TFDP1: variants seen among roughly 807,000 people sequenced by gnomAD.
The protein encoded by TFDP1 is transcription factor Dp-1, also known as DRTF1-polypeptide 1.
Under a neutral mutation model 48.0 loss-of-function variants are expected in TFDP1, and 6 were observed. The observed-to-expected ratio is 0.13, with a 90% confidence interval of 0.07 to 0.25. The LOEUF is 0.25. Ranked by LOEUF, TFDP1 falls within the 10% of genes least tolerant of loss-of-function variation. The pLI, the probability that TFDP1 is intolerant of heterozygous loss-of-function variation, is 1.00. For missense variants in TFDP1, 335 were observed against 543.0 expected, an observed-to-expected ratio of 0.62 and a Z score of 3.81; for synonymous variants, 201 against 211.6, an observed-to-expected ratio of 0.95 and a Z score of 0.44.
intron 3 of TFDP1, among the ~76,000 whole-genome samples, chr13:113,618,594 G>T (rs1195795445): frequency 6.6e-6 from 1 of 152,198 alleles, no homozygotes; most frequent in Non-Finnish European, 1.5e-5. Context: ...GTGGGGAGCG[G>T]CAGCCTGGCT....
chr13:113,595,827 A>G (rs981998156), intron 2 of TFDP1, among the ~76,000 whole-genome samples: 2 of 152,250 alleles, frequency 1.3e-5, no homozygotes, highest in Admixed American at 6.5e-5. Flanking sequence ...TCACGCCTGT[A>G]ATCCCAGCAC....
intron 1 of TFDP1, 151 bp from the exon 2 acceptor site, chr13:113,585,623 G>A (rs1251817528): frequency 2.1e-6 from 1 of 482,164 alleles, no homozygotes; most frequent in Non-Finnish European, 3.8e-6. Flanking sequence ...CCTGAGTGTG[G>A]GAGTCGGTTT....
intron 8 of TFDP1, among the ~76,000 whole-genome samples, chr13:113,635,305 G>A (rs1488371475): frequency 6.6e-6 from 1 of 152,184 alleles, no homozygotes. Context: ...CCGTGGTGAT[G>A]GAGGCTCGTG....
intron 3 of TFDP1, among the ~76,000 whole-genome samples, chr13:113,616,556 CTT>C (rs2048864202): frequency 6.6e-6 from 1 of 152,208 alleles, no homozygotes. Context: ...TACATATCCT[CTT>C]AGCCCAGAAT....
intron 5 of TFDP1, 133 bp downstream of exon 5, chr13:113,631,877 ACACT>A: frequency 7.9e-7 from 1 of 1,268,538 alleles, no homozygotes; most frequent in Non-Finnish European, 1.1e-6. Flanking sequence ...CCTCCGAATC[ACACT>A]CACCCATCAT....
At chr13:113,596,958 A>G (rs2048302958) in intron 2 of TFDP1, among the ~76,000 whole-genome samples, 1 of 152,182 alleles carries the variant, frequency 6.6e-6, no homozygotes, top group Non-Finnish European at 1.5e-5. Context: ...AGCTTGCCTC[A>G]CTGTGCATCC....
rs1031656588 is a variant in TFDP1, at chr13:113,641,153, A to G, written c.*886A>G. 1.3e-5 allele frequency: 2 copies of G among 152,684 alleles called. No individual in the cohort carries two copies. Among genetic ancestry groups the G allele is most frequent in the African/African-American group, 4.8e-5 (2 of 41,470 alleles). 9.5% of individuals were successfully genotyped at this position (152,684 alleles called of 1,614,324 possible). Reference sequence around the variant, plus strand: ...CATAAGCATCTTCCTGTAATCTATTATAAAATTGAAATTAAATATAGAGAA... The same window carrying G: ...CATAAGCATCTTCCTGTAATCTATTGTAAAATTGAAATTAAATATAGAGAA... On this transcript the variant is annotated 3_prime_UTR_variant, in exon 12 of 12. Coordinates refer to ENST00000375370, the MANE Select transcript of TFDP1 (RefSeq NM_007111.5).
Position 113,627,431 on chromosome 13 carries a change from G to A in TFDP1, c.186+4145G>A, listed in dbSNP as rs139160733. Among the ~76,000 whole-genome samples, 1 of 152,320 alleles carries A rather than the reference G, an allele frequency of 6.6e-6. No individual in the cohort carries two copies. Among genetic ancestry groups the A allele is most frequent in the African/African-American group, 2.4e-5 (1 of 41,580 alleles). On this transcript the variant is annotated intron_variant, in intron 4 of 11. Coordinates refer to ENST00000375370, the MANE Select transcript of TFDP1 (RefSeq NM_007111.5). The surrounding 1 kb of genome is among the most constrained non-coding windows in gnomAD (Gnocchi z 4.1). ...CTGTGTCCCAGAAGTCGGCATCTGT[G>A]GTCGCAGTGGCCTTTCCTTTGCAGC...
chr13:113,591,356 A>AG (rs1287201704), intron 2 of TFDP1, among the ~76,000 whole-genome samples: 1 of 152,006 alleles, frequency 6.6e-6, no homozygotes. Context: ...AAAAAAAAAA[A>AG]GAAAAAAGTT....
rs985335545 is a variant in TFDP1 at position 113,613,871 on chromosome 13, TTG to T, written c.79+2814_79+2815del. On this transcript the variant is annotated intron_variant, in intron 3 of 11. Coordinates refer to ENST00000375370, the MANE Select transcript of TFDP1 (RefSeq NM_007111.5). ...TGCATGTGTGTTGAGTGTGCATGAG[TTG>T]TGTGAGTGGATGTGAGTGTACCTGT... Among the ~76,000 whole-genome samples, 8 of 150,902 alleles carry T rather than the reference TTG, an allele frequency of 5.3e-5. No homozygotes were observed. The East Asian group carries it at 7.8e-4, about 15-fold the overall frequency.
chr13:113,614,058 TGTG>T (rs1233794151), intron 3 of TFDP1, among the ~76,000 whole-genome samples: 1 of 149,676 alleles, frequency 6.7e-6, no homozygotes, highest in African/African-American at 2.4e-5. Flanking sequence ...AGATGTGTGT[TGTG>T]TGCATGAGTT....
chr13:113,625,882 G>A (rs374037787), intron 4 of TFDP1, among the ~76,000 whole-genome samples: 5 of 100,176 alleles, frequency 5.0e-5, no homozygotes, highest in Admixed American at 2.1e-4. Flanking sequence ...TCTCTCACGC[G>A]TCCTCAGGTG....
chr13:113,628,991 C>T lies in TFDP1; in HGVS notation c.187-2632C>T, dbSNP rs757987961. On this transcript the variant is annotated intron_variant, in intron 4 of 11. Coordinates refer to ENST00000375370, the MANE Select transcript of TFDP1 (RefSeq NM_007111.5). ...GGCTTCCTGTGCACCAGGAAGGAAA[C>T]GCACACACCTGTGCCAGGTCCGGGA... Among the ~76,000 whole-genome samples the T allele has an allele frequency of 5.3e-5, 8 of 152,344 alleles. 1 individual carries two copies. The highest frequency in any genetic ancestry group is 6.5e-5 in the Admixed American group (1 of 15,308).
At chr13:113,631,884 C>T (rs1192829433) in intron 5 of TFDP1, 140 bp downstream of exon 5, 13 of 1,239,894 alleles carry the variant, frequency 1.0e-5, no homozygotes, top group Non-Finnish European at 1.3e-5. Flanking sequence ...ATCACACTCA[C>T]CCATCATCGT....
At chr13:113,588,981 G>A (rs1411002766) in intron 2 of TFDP1, among the ~76,000 whole-genome samples, 1 of 151,630 alleles carries the variant, frequency 6.6e-6, no homozygotes, top group Non-Finnish European at 1.5e-5. Flanking sequence ...GGTGGACAGT[G>A]AGTGGTGATG....
At chr13:113,637,121 C>T (rs1011072900) in intron 10 of TFDP1, 15 of 177,980 alleles carry the variant, frequency 8.4e-5, no homozygotes, top group African/African-American at 2.1e-4. Context: ...GAGTCATTGG[C>T]GTCCTGCTCC....
At chr13:113,609,867 G>A (rs2048664402) in intron 2 of TFDP1, among the ~76,000 whole-genome samples, 1 of 152,214 alleles carries the variant, frequency 6.6e-6, no homozygotes, top group Admixed American at 6.5e-5. Context: ...GCTGCCGTGT[G>A]TGTGCTCACA....
chr13:113,586,478 T>C (rs1244991715), intron 2 of TFDP1, among the ~76,000 whole-genome samples: 1 of 152,244 alleles, frequency 6.6e-6, no homozygotes, highest in East Asian at 1.9e-4. Context: ...GTCTATTTTA[T>C]TGGTGTGCGG....
At chr13:113,614,752 G>A (rs912872249) in intron 3 of TFDP1, among the ~76,000 whole-genome samples, 1 of 152,236 alleles carries the variant, frequency 6.6e-6, no homozygotes, top group Non-Finnish European at 1.5e-5. Context: ...GTAGCAGCCA[G>A]TGAGCGACGG....
Sources: allele counts gnomAD v4.1 joint callset (sites outside exome capture counted in the v4.1 genomes callset), GRCh38; gene constraint gnomAD v4.1.1; non-coding constraint Gnocchi (gnomAD v3.1); transcripts MANE v1.5; gene names NCBI Gene and HGNC (gene_info 2026-07-23, HGNC 2026-07-21).